GPC6: variants seen among roughly 807,000 people sequenced by gnomAD.
GPC6 encodes the protein glypican 6.
In GPC6, 14 loss-of-function variants were observed where a neutral mutation model predicts 55.2. That is an observed-to-expected ratio of 0.25 (90% CI 0.17 to 0.40). The LOEUF (loss-of-function observed/expected upper bound fraction) is 0.40. GPC6 is among the 10% of genes least tolerant of loss of function. The pLI is 1.00. For missense variants in GPC6, 641 were observed against 708.5 expected, an observed-to-expected ratio of 0.90 and a Z score of 1.08; for synonymous variants, 278 against 259.6, an observed-to-expected ratio of 1.07 and a Z score of -0.68.
intron 1 of GPC6, among the ~76,000 whole-genome samples, chr13:93,254,391 T>A (rs912232424): frequency 6.6e-6 from 1 of 152,224 alleles, no homozygotes; most frequent in Admixed American, 6.5e-5. Context: ...GTGTGTATGC[T>A]TGTGTACAAA....
At chr13:93,573,922 A>G (rs1876535975) in intron 2 of GPC6, among the ~76,000 whole-genome samples, 1 of 152,194 alleles carries the variant, frequency 6.6e-6, no homozygotes, top group Admixed American at 6.6e-5. Context: ...AGGAGATCGT[A>G]AATGTCCTCT....
chr13:93,848,858 C>T (rs1029541378), intron 3 of GPC6, among the ~76,000 whole-genome samples: 7 of 152,056 alleles, frequency 4.6e-5, no homozygotes, highest in African/African-American at 1.7e-4. Flanking sequence ...ATTGTGCCTT[C>T]CTCTCCCCTT....
At chr13:94,190,847 T>C (rs1341485177) in intron 4 of GPC6, among the ~76,000 whole-genome samples, 1 of 152,170 alleles carries the variant, frequency 6.6e-6, no homozygotes, top group Non-Finnish European at 1.5e-5. Context: ...TACATTCTCA[T>C]ATATATACTC....
intron 2 of GPC6, among the ~76,000 whole-genome samples, chr13:93,636,355 G>A (rs946871895): frequency 1.3e-5 from 2 of 152,182 alleles, no homozygotes; most frequent in African/African-American, 4.8e-5. Context: ...TTGAAATTCT[G>A]TTGTTGGAAA....
chr13:93,699,318 G>T (rs918764106), intron 2 of GPC6, among the ~76,000 whole-genome samples: 5 of 152,120 alleles, frequency 3.3e-5, no homozygotes, highest in Admixed American at 2.0e-4. Context: ...ATAAAAAGTA[G>T]CTTGTGAGGA....
chr13:93,829,653 G>T (rs1303068249), intron 2 of GPC6, among the ~76,000 whole-genome samples: 1 of 152,066 alleles, frequency 6.6e-6, no homozygotes, highest in East Asian at 1.9e-4. Flanking sequence ...GCTATATATA[G>T]AAACTAGAAA....
At chr13:93,511,541 A>C (rs1170483136) in intron 1 of GPC6, among the ~76,000 whole-genome samples, 1 of 151,794 alleles carries the variant, frequency 6.6e-6, no homozygotes, top group Non-Finnish European at 1.5e-5. Flanking sequence ...CTGTGTATCT[A>C]CTTTTTTCCA....
Position 93,381,080 on chromosome 13 carries a change from C to T in GPC6, c.160+153464C>T, listed in dbSNP as rs985730222. Among the ~76,000 whole-genome samples, 6 of 152,084 alleles carry T rather than the reference C, an allele frequency of 3.9e-5. No individual in the cohort carries two copies. The East Asian group carries it at 1.2e-3, about 29-fold the overall frequency. On this transcript the variant is annotated intron_variant, in intron 1 of 8. Transcript: ENST00000377047. ...GTCAGTCTTAAGACTTAATTGATTGCATGCTAGTAAGAAACTGACTGGATT... is the reference window on the plus strand; with the variant it reads ...GTCAGTCTTAAGACTTAATTGATTGTATGCTAGTAAGAAACTGACTGGATT...
intron 1 of GPC6, among the ~76,000 whole-genome samples, chr13:93,487,873 C>G (rs1270692826): frequency 6.6e-6 from 1 of 152,182 alleles, no homozygotes; most frequent in East Asian, 1.9e-4. Context: ...AAAGTACTAT[C>G]ATCTATCTTC....
At chr13:93,223,423 T>C, upstream of GPC6, among the ~76,000 whole-genome samples, 1 of 152,120 alleles carries the variant, frequency 6.6e-6, no homozygotes, top group East Asian at 1.9e-4. Flanking sequence ...GCAATCTTTT[T>C]TTTGTCTTGT....
intron 1 of GPC6, among the ~76,000 whole-genome samples, chr13:93,475,359 G>A (rs1266486878): frequency 6.6e-6 from 1 of 152,086 alleles, no homozygotes. Flanking sequence ...TTTTTACACT[G>A]TAGAGTTAAA....
At chr13:94,115,689 G>A (rs1024645158) in intron 4 of GPC6, among the ~76,000 whole-genome samples, 4 of 152,042 alleles carry the variant, frequency 2.6e-5, no homozygotes, top group Admixed American at 2.6e-4. Context: ...CCCAGTAACT[G>A]GAATTCCTAA....
In GPC6 at chr13:93,227,149, T is replaced by A. The variant is rs1448975325; in HGVS notation, c.-308T>A. The A allele has an allele frequency of 8.3e-6, 2 of 239,976 alleles. No homozygotes were observed. Among genetic ancestry groups the A allele is most frequent in the Admixed American group, 1.1e-4 (2 of 18,104 alleles). 14.9% of individuals were successfully genotyped at this position (239,976 alleles called of 1,614,324 possible). ...TTGCAGCTCTGAACCCCCATGGTGG[T>A]TTTTTAAACACTTCTTTTCCTTCTC... On this transcript the variant is annotated 5_prime_UTR_variant, in exon 1 of 9. Coordinates refer to ENST00000377047, the MANE Select transcript of GPC6 (RefSeq NM_005708.5). The surrounding 1 kb of genome is among the most constrained non-coding windows in gnomAD (Gnocchi z 4.3).
At chr13:94,299,627 G>A (rs540315625) in intron 5 of GPC6, among the ~76,000 whole-genome samples, 26 of 152,322 alleles carry the variant, frequency 1.7e-4, no homozygotes, top group African/African-American at 6.3e-4. Flanking sequence ...GCAAGAAGGT[G>A]CCATCTATAA....
intron 1 of GPC6, among the ~76,000 whole-genome samples, chr13:93,414,259 C>T: frequency 6.6e-6 from 1 of 152,090 alleles, no homozygotes; most frequent in East Asian, 1.9e-4. Context: ...TTCCCTAACC[C>T]ATTCACCCTC....
At chr13:94,097,500 C>G (rs1051260373) in intron 4 of GPC6, among the ~76,000 whole-genome samples, 5 of 105,978 alleles carry the variant, frequency 4.7e-5, no homozygotes, top group African/African-American at 1.8e-4. Flanking sequence ...GAGCAAGACT[C>G]TGTCTCAAAA....
intron 2 of GPC6, among the ~76,000 whole-genome samples, chr13:93,633,853 A>G (rs1879585932): frequency 1.3e-5 from 2 of 152,116 alleles, no homozygotes; most frequent in Non-Finnish European, 2.9e-5. Context: ...TTTATATAGT[A>G]TTAGAAAGGA....
At chr13:93,897,060 T>G (rs1398729552) in intron 3 of GPC6, among the ~76,000 whole-genome samples, 1 of 151,812 alleles carries the variant, frequency 6.6e-6, no homozygotes, top group South Asian at 2.1e-4. Context: ...GTGTGTATTT[T>G]CAGCCAAATT....
intron 3 of GPC6, among the ~76,000 whole-genome samples, chr13:93,833,570 ATT>A (rs11350011): frequency 1.2e-4 from 18 of 150,692 alleles, no homozygotes; most frequent in East Asian, 3.9e-4. Flanking sequence ...GATTTGAGTG[ATT>A]TTTTTTTTTC....
Sources: allele counts gnomAD v4.1 joint callset (sites outside exome capture counted in the v4.1 genomes callset), GRCh38; gene constraint gnomAD v4.1.1; non-coding constraint Gnocchi (gnomAD v3.1); transcripts MANE v1.5; gene names NCBI Gene and HGNC (gene_info 2026-07-23, HGNC 2026-07-21).